GRIP1: variants seen among roughly 807,000 people sequenced by gnomAD.
GRIP1 encodes glutamate receptor interacting protein 1, also known as glutamate receptor-interacting protein 1.
GRIP1 carries 45 observed loss-of-function variants against 129.9 expected under a neutral mutation model. The observed-to-expected ratio is 0.35, with a 90% CI of 0.27 to 0.44. GRIP1 has a LOEUF of 0.44. Among genes scored for constraint, GRIP1 ranks in the 20% least tolerant of loss-of-function variants. GRIP1 has a pLI of 1.00. For missense variants in GRIP1, 1,196 were observed against 1,396.8 expected (o/e 0.86, Z 2.29); for synonymous variants, 530 against 520.8 (o/e 1.02, Z -0.24).
intron 5 of GRIP1, among the ~76,000 whole-genome samples, chr12:66,525,058 A>T (rs1043737753): frequency 1.7e-4 from 26 of 152,352 alleles, no homozygotes; most frequent in Non-Finnish European, 2.8e-4. Flanking sequence ...AACCAAAAAA[A>T]GTCCAGGAAC....
chr12:66,781,565 C>G (rs142984374), intron 1 of GRIP1, among the ~76,000 whole-genome samples: 1 of 152,216 alleles, frequency 6.6e-6, no homozygotes, highest in African/African-American at 2.4e-5. Flanking sequence ...GCAAACATCT[C>G]CACAATCTAA....
At chr12:67,006,582 G>A (rs1399548570) in intron 1 of GRIP1, among the ~76,000 whole-genome samples, 1 of 152,004 alleles carries the variant, frequency 6.6e-6, no homozygotes, top group Non-Finnish European at 1.5e-5. Context: ...GCGAGATCTT[G>A]TCTCAAAAAA....
chr12:66,722,011 G>A (rs779174233), intron 1 of GRIP1, among the ~76,000 whole-genome samples: 4 of 152,136 alleles, frequency 2.6e-5, no homozygotes, highest in African/African-American at 9.7e-5. Context: ...GGAATGTTGC[G>A]GCTGGTTTGT....
At chr12:66,350,904 G>A (rs1003662385) in intron 24 of GRIP1, among the ~76,000 whole-genome samples, 4 of 152,162 alleles carry the variant, frequency 2.6e-5, no homozygotes, top group African/African-American at 9.7e-5. Context: ...AAGTTCAAGA[G>A]CTTTACCATC....
At chr12:66,538,287 C>A (rs975837581) in intron 4 of GRIP1, among the ~76,000 whole-genome samples, 2 of 151,858 alleles carry the variant, frequency 1.3e-5, no homozygotes, top group East Asian at 3.9e-4. Context: ...GCAGCCTCGA[C>A]CTTCTGGGCT....
chr12:66,893,824 A>G lies in GRIP1; in HGVS notation c.58+175226T>C, dbSNP rs370076075. On this transcript the variant is annotated intron_variant, in intron 1 of 1. Coordinates refer to the GRIP1 transcript ENST00000643019. ...CATTTTAAATCAAAGGTCATGTTAA[A>G]TCACCTCTTATTCAAAACCCTCCAA... 1.5e-4 allele frequency among the ~76,000 whole-genome samples: 23 copies of G among 152,294 alleles called. 1 individual carries two copies. The highest frequency in any genetic ancestry group is 5.1e-4 in the African/African-American group (21 of 41,570).
chr12:66,764,617 T>C lies in GRIP1; in HGVS notation c.-420+39436A>G, dbSNP rs529099731. On this transcript the variant is annotated intron_variant, in intron 1 of 4. Coordinates refer to the GRIP1 transcript ENST00000538373. ...TATGATTTGTAAATCATGGATACAT[T>C]CTAGAAGCCTTTATATTTATTAAGA... Among the ~76,000 whole-genome samples, 185 of 152,340 alleles carry C rather than the reference T, an allele frequency of 1.2e-3. 1 individual carries two copies. The highest frequency in any genetic ancestry group is 4.3e-3 in the African/African-American group (177 of 41,578).
At chr12:66,964,072 G>C (rs1443878394) in intron 1 of GRIP1, among the ~76,000 whole-genome samples, 3 of 152,094 alleles carry the variant, frequency 2.0e-5, no homozygotes, top group African/African-American at 7.2e-5. Context: ...CACCTCCACC[G>C]TCAACTTCAG....
Position 66,420,651 on chromosome 12 carries a change from G to A in GRIP1, c.1838+69C>T, listed in dbSNP as rs532118266. On this transcript the variant is annotated intron_variant, in intron 15 of 24. Transcript: ENST00000359742. ...CCCATTAGAAAGGTTTGCTTTGGGT[G>A]TGGAAGGTGTCATGTTTACTTAAAT... is the stretch of plus-strand genomic sequence containing the variant. 28 of 855,016 alleles carry A rather than the reference G, an allele frequency of 3.3e-5. No individual in the cohort carries two copies. In the African/African-American group the frequency reaches 3.9e-4, roughly 12 times the overall value. The allele number at this position is 855,016 out of a possible 1,614,324, so 53.0% of individuals were successfully genotyped here. A position where few individuals can be genotyped will look rare whatever the true frequency, so the allele number is the denominator to read the frequency against.
intron 1 of GRIP1, among the ~76,000 whole-genome samples, chr12:66,723,686 G>A (rs2036167448): frequency 2.0e-5 from 3 of 152,064 alleles, no homozygotes; most frequent in Admixed American, 2.0e-4. Flanking sequence ...GGAGCTTTCT[G>A]AGACACTGTA....
chr12:67,053,712 C>A (rs1030083520), intron 1 of GRIP1, among the ~76,000 whole-genome samples: 5 of 151,910 alleles, frequency 3.3e-5, no homozygotes, highest in African/African-American at 9.7e-5. Context: ...GTGGTGTGTA[C>A]CTGTAATCCC....
At chr12:66,976,098 T>C (rs1185305549) in intron 1 of GRIP1, among the ~76,000 whole-genome samples, 1 of 152,240 alleles carries the variant, frequency 6.6e-6, no homozygotes, top group Non-Finnish European at 1.5e-5. Context: ...ACAAACCCTG[T>C]ATCTGCCTTT....
At chr12:66,920,929 T>C (rs934074967) in intron 1 of GRIP1, among the ~76,000 whole-genome samples, 8 of 152,252 alleles carry the variant, frequency 5.3e-5, no homozygotes, top group East Asian at 1.9e-4. Flanking sequence ...TTCTGGCAAA[T>C]TGTAACATGA....
chr12:66,641,585 G>A (rs935896872), intron 1 of GRIP1, among the ~76,000 whole-genome samples: 2 of 152,136 alleles, frequency 1.3e-5, no homozygotes, highest in Non-Finnish European at 2.9e-5. Flanking sequence ...TGACACATAG[G>A]AGCAACTGGA....
Position 66,752,166 on chromosome 12 carries a change from G to T in GRIP1, c.-420+51887C>A, listed in dbSNP as rs2037147522. Among the ~76,000 whole-genome samples, 3 of 152,114 alleles carry T rather than the reference G, an allele frequency of 2.0e-5. No homozygotes were observed. In the South Asian group the frequency reaches 6.2e-4, roughly 31 times the overall value. ...AACAACAGTCATAACAAAGTATAAT[G>T]TAACAGTTTATTATTGTTATAAGCT... On this transcript the variant is annotated intron_variant, in intron 1 of 4. Transcript: ENST00000538373.
rs184910136 is a variant in GRIP1 at position 66,949,749 on chromosome 12, G to A, written c.58+119301C>T. Among the ~76,000 whole-genome samples, 350 of 146,008 alleles carry A rather than the reference G, an allele frequency of 2.4e-3. 2 individuals carry two copies. In the Middle Eastern group the frequency reaches 0.029, roughly 12 times the overall value. On this transcript the variant is annotated intron_variant, in intron 1 of 1. Transcript: ENST00000643019. Reference sequence around the variant, plus strand: ...TCTAAGATTATGAACTGATAACACTGCATGCTCCTCCTTTTTTTTTTTTTT... The same window carrying A: ...TCTAAGATTATGAACTGATAACACTACATGCTCCTCCTTTTTTTTTTTTTT...
chr12:66,445,313 G>C lies in GRIP1; in HGVS notation c.1541+9C>G. ...GCAGAAAATGATGCTGTGAAAGAAA[G>C]TGTCTCACCTCTCTGCTGGGCTGTC... On this transcript the variant is annotated intron_variant, in intron 12 of 24. Transcript: ENST00000359742. 3.1e-6 allele frequency: 5 copies of C among 1,610,788 alleles called. No homozygotes were observed. Among genetic ancestry groups the C allele is most frequent in the Non-Finnish European group, 4.2e-6 (5 of 1,177,002 alleles).
At chr12:67,050,511 GA>G (rs1039463983) in intron 1 of GRIP1, among the ~76,000 whole-genome samples, 1 of 151,758 alleles carries the variant, frequency 6.6e-6, no homozygotes, top group African/African-American at 2.4e-5. Context: ...TGCTCAATTG[GA>G]AAAAAAAGAG....
intron 1 of GRIP1, among the ~76,000 whole-genome samples, chr12:67,055,257 A>G (rs1453789160): frequency 2.0e-5 from 3 of 152,222 alleles, no homozygotes; most frequent in Non-Finnish European, 1.5e-5. Context: ...GACCCTGGTC[A>G]TGCTGGAGAG....
Sources: allele counts gnomAD v4.1 joint callset (sites outside exome capture counted in the v4.1 genomes callset), GRCh38; gene constraint gnomAD v4.1.1; transcripts MANE v1.5; gene names NCBI Gene and HGNC (gene_info 2026-07-23, HGNC 2026-07-21).